Variants in PUM2 observed in about 807,000 individuals in gnomAD.
PUM2 encodes the protein pumilio RNA binding family member 2.
Under a neutral mutation model 124.5 loss-of-function variants are expected in PUM2, and 57 were observed. The ratio of observed to expected loss-of-function variants is 0.46; its 90% CI spans 0.37 to 0.57. PUM2 has a LOEUF of 0.57. PUM2 is among the 20% of genes least tolerant of loss of function. The pLI is 0.00. For missense variants in PUM2, 1,065 were observed against 1,290.6 expected, an observed-to-expected ratio of 0.83 and a Z score of 2.68; for synonymous variants, 460 against 446.1, an observed-to-expected ratio of 1.03 and a Z score of -0.39.
Position 20,255,332 on chromosome 2 carries a change from G to T in PUM2, c.2632C>A (p.Leu878Ile). ...IDAFKGQVFV[L>I]STHPYGCRVI... is the part of the protein sequence containing the mutation. ...CTGCAGCCATAAGGATGAGTTGAAA[G>T]CACAAATACCTGAGGACAATTAGAA... Residue 878 changes from leucine (L) to isoleucine (I), a missense_variant, in exon 18 of 21, where the codon CTT becomes ATT. Around this residue, in one of 3 missense-constraint regions of PUM2, gnomAD observed 968 missense variants for 1,159.8 expected, o/e 0.83. Coordinates refer to ENST00000361078, the MANE Select transcript of PUM2 (RefSeq NM_015317.5). 6.2e-7 allele frequency: 1 copy of T among 1,611,812 alleles called. No individual in the cohort carries two copies. The highest frequency in any genetic ancestry group is 1.7e-5 in the Admixed American group (1 of 59,974).
chr2:20,275,969 TAATA>T (rs1292813213), intron 13 of PUM2, among the ~76,000 whole-genome samples: 2 of 152,090 alleles, frequency 1.3e-5, no homozygotes, highest in Non-Finnish European at 2.9e-5. Context: ...TTAGAGTTAA[TAATA>T]AATTATTTTA....
At chr2:20,312,533 T>A (rs1679854821) in intron 3 of PUM2, 110 bp from the exon 4 acceptor site, 1 of 1,000,454 alleles carries the variant, frequency 1.0e-6, no homozygotes. Context: ...TTATTTTGAA[T>A]GTTATTACTA....
At chr2:20,284,837 GAC>G (rs1672356843) in intron 10 of PUM2, among the ~76,000 whole-genome samples, 2 of 152,148 alleles carry the variant, frequency 1.3e-5, no homozygotes, top group Non-Finnish European at 2.9e-5. Flanking sequence ...TCACCTGTAA[GAC>G]ACACATGCAT....
intron 14 of PUM2, among the ~76,000 whole-genome samples, chr2:20,261,817 G>A (rs532137935): frequency 6.6e-6 from 1 of 152,328 alleles, no homozygotes; most frequent in South Asian, 2.1e-4. Flanking sequence ...GCTGTACAAT[G>A]TGTTTCTGTT....
At chr2:20,258,522 T>C (rs1464806429) in intron 15 of PUM2, 151 bp from the exon 16 acceptor site, 11 of 644,900 alleles carry the variant, frequency 1.7e-5, no homozygotes, top group Non-Finnish European at 2.4e-5. Flanking sequence ...GACTGGGAAA[T>C]GTTTCCAATA....
In PUM2 at chr2:20,302,209, C is replaced by CT. The variant is rs1201399485; in HGVS notation, c.884-4532dup. On this transcript the variant is annotated intron_variant, in intron 7 of 20. Coordinates refer to ENST00000361078, the MANE Select transcript of PUM2 (RefSeq NM_015317.5). ...TAAAGGCAGGTGCCAACACACCTGA[C>CT]TTTCCTGTTTCTGTCATATAAATTC... is the stretch of plus-strand genomic sequence containing the variant. Among the ~76,000 whole-genome samples the CT allele has an allele frequency of 2.0e-5, 3 of 152,288 alleles. No individual in the cohort carries two copies. The East Asian group carries it at 5.8e-4, about 29-fold the overall frequency.
intron 19 of PUM2, 29 bp from the exon 20 acceptor site, chr2:20,254,043 T>G (rs760953452): frequency 6.4e-7 from 1 of 1,571,218 alleles, no homozygotes; most frequent in Non-Finnish European, 8.6e-7. Flanking sequence ...AAACAAAGAT[T>G]TGTTATTTTT....
chr2:20,305,501 A>T (rs1330157448), intron 7 of PUM2, among the ~76,000 whole-genome samples: 3 of 150,014 alleles, frequency 2.0e-5, no homozygotes, highest in East Asian at 4.0e-4. Context: ...CGTATCTAAA[A>T]TTATTTTTGT....
chr2:20,253,292 A>G lies in PUM2; in HGVS notation c.3063+530T>C, dbSNP rs1572514402. On this transcript the variant is annotated intron_variant, in intron 20 of 20. Coordinates refer to ENST00000361078, the MANE Select transcript of PUM2 (RefSeq NM_015317.5). ...ATGAACACAGCCCACTGTAGCCTCA[A>G]CCTCCGGGACTCAGGCGATCCTCCC... Among the ~76,000 whole-genome samples, 3 of 152,136 alleles carry G rather than the reference A, an allele frequency of 2.0e-5. No homozygotes were observed. In the Middle Eastern group the frequency reaches 0.01, roughly 517 times the overall value.
At chr2:20,256,249 T>A in intron 16 of PUM2, 79 bp from the exon 17 acceptor site, 1 of 1,280,308 alleles carries the variant, frequency 7.8e-7, no homozygotes, top group Non-Finnish European at 1.0e-6. Flanking sequence ...TATTAAAAAT[T>A]AAAAATATTA....
In PUM2 at chr2:20,278,470, G is replaced by C. The variant is rs1020214229; in HGVS notation, c.1957+113C>G. 8.6e-6 allele frequency: 8 copies of C among 932,686 alleles called. No homozygotes were observed. In the South Asian group the frequency reaches 1.2e-4, roughly 13 times the overall value. 57.8% of individuals were successfully genotyped at this position (932,686 alleles called of 1,614,324 possible). ...AAAAGACTAATATCTAAAAGCAAAA[G>C]CAATTTGGCATGTTTTAACCAACAT... On this transcript the variant is annotated intron_variant, in intron 13 of 20. Coordinates refer to ENST00000361078, the MANE Select transcript of PUM2 (RefSeq NM_015317.5).
Position 20,266,305 on chromosome 2 carries a change from T to C in PUM2, c.1958-2845A>G, listed in dbSNP as rs139618848. ...AAAAAATACAAAAATTAGCCAGGAG[T>C]GGTGGTGTGTGCCTGTAGTCCCAGC... On this transcript the variant is annotated intron_variant, in intron 13 of 20. Coordinates refer to ENST00000361078, the MANE Select transcript of PUM2 (RefSeq NM_015317.5). 7.1e-3 allele frequency among the ~76,000 whole-genome samples: 1,071 copies of C among 151,006 alleles called. 18 individuals carry two copies. The highest frequency in any genetic ancestry group is 0.025 in the African/African-American group (1,034 of 41,116).
rs753085644 is a variant in PUM2 at position 20,307,223 on chromosome 2, C to T, written c.883+755G>A. 2.0e-5 allele frequency among the ~76,000 whole-genome samples: 3 copies of T among 151,912 alleles called. No homozygotes were observed. The South Asian group carries it at 6.2e-4, about 32-fold the overall frequency. On this transcript the variant is annotated intron_variant, in intron 7 of 20. Transcript: ENST00000361078. ...AGTGAGACTCTCTCTCCAAAATAAACAAACAAAAAAACTGAAAAATAAAAA... is the reference window on the plus strand; with the variant it reads ...AGTGAGACTCTCTCTCCAAAATAAATAAACAAAAAAACTGAAAAATAAAAA...
chr2:20,347,177 T>G lies in PUM2; in HGVS notation c.-19+3420A>C, dbSNP rs117882244. On this transcript the variant is annotated intron_variant, in intron 1 of 20. Transcript: ENST00000361078. ...ATGGTTGGGATCCAGTAGCTAAACT[T>G]GCAGAATGGAACTTACTAATGAAAC... Among the ~76,000 whole-genome samples, 7 of 152,320 alleles carry G rather than the reference T, an allele frequency of 4.6e-5. No individual in the cohort carries two copies. In the East Asian group the frequency reaches 9.6e-4, roughly 21 times the overall value.
intron 2 of PUM2, chr2:20,326,444 AAAAT>A: frequency 7.7e-7 from 1 of 1,295,748 alleles, no homozygotes; most frequent in South Asian, 1.2e-5. Context: ...CTACCAAGGT[AAAAT>A]AATCTCCAGG....
chr2:20,265,632 A>T (rs760909980), intron 13 of PUM2, among the ~76,000 whole-genome samples: 1 of 152,204 alleles, frequency 6.6e-6, no homozygotes, highest in Admixed American at 6.5e-5. Flanking sequence ...AAGATTCACC[A>T]ATCCAATTTT....
chr2:20,278,851 ATACAGTGT>A, intron 12 of PUM2, 32 bp from the exon 13 acceptor site: 1 of 1,518,592 alleles, frequency 6.6e-7, no homozygotes, highest in Non-Finnish European at 9.1e-7. Flanking sequence ...CCCTAATTAC[ATACAGTGT>A]TAACTGAATA....
At chr2:20,273,730 G>A (rs1357775661) in intron 13 of PUM2, among the ~76,000 whole-genome samples, 1 of 152,166 alleles carries the variant, frequency 6.6e-6, no homozygotes, top group Non-Finnish European at 1.5e-5. Flanking sequence ...ATTCTGTTGA[G>A]AGTCGGGTGT....
At chr2:20,264,749 C>T (rs1010340946) in intron 13 of PUM2, among the ~76,000 whole-genome samples, 1 of 152,076 alleles carries the variant, frequency 6.6e-6, no homozygotes, top group African/African-American at 2.4e-5. Context: ...ATCCAGGCCA[C>T]AGGGTAGAGA....
Sources: allele counts gnomAD v4.1 joint callset (sites outside exome capture counted in the v4.1 genomes callset), GRCh38; gene constraint gnomAD v4.1.1; regional missense constraint gnomAD v4.1.1; transcripts MANE v1.5; gene names NCBI Gene and HGNC (gene_info 2026-07-23, HGNC 2026-07-21).